The following LARGE1 variants were observed in gnomAD, a reference collection of about 807,000 sequenced individuals.
The protein encoded by LARGE1 is LARGE xylosyl- and glucuronyltransferase 1, also known as xylosyl- and glucuronyltransferase LARGE1.
LARGE1 carries 43 observed loss-of-function variants against 87.6 expected under a neutral mutation model. The observed-to-expected ratio is 0.49, with a 90% confidence interval of 0.38 to 0.63. The LOEUF (loss-of-function observed/expected upper bound fraction) is 0.63, where lower values mean the gene tolerates loss of function less well. LARGE1 is among the 30% of genes least tolerant of loss of function. The pLI is 0.00. For missense variants in LARGE1, 802 were observed against 1,000.2 expected (o/e 0.80, Z 2.67); for synonymous variants, 434 against 394.6 (o/e 1.10, Z -1.18).
At chr22:33,399,849 ACTTCTG>A (rs1195197907) in intron 7 of LARGE1, among the ~76,000 whole-genome samples, 1 of 152,206 alleles carries the variant, frequency 6.6e-6, no homozygotes, top group Non-Finnish European at 1.5e-5. Flanking sequence ...CGCCCGGCCA[ACTTCTG>A]CTTTTTTAAG....
At chr22:33,377,763 T>C (rs1388234733) in intron 9 of LARGE1, among the ~76,000 whole-genome samples, 2 of 152,204 alleles carry the variant, frequency 1.3e-5, no homozygotes, top group African/African-American at 2.4e-5. Context: ...TCTCTTTTCA[T>C]TCTGTGTTGC....
intron 7 of LARGE1, among the ~76,000 whole-genome samples, chr22:33,388,139 T>C (rs2065394397): frequency 6.6e-6 from 1 of 152,284 alleles, no homozygotes; most frequent in Non-Finnish European, 1.5e-5. Context: ...TAGTATTTCC[T>C]ATCTAGTTTA....
chr22:33,862,984 G>A (rs1471597826), intron 1 of LARGE1, among the ~76,000 whole-genome samples: 2 of 152,018 alleles, frequency 1.3e-5, no homozygotes, highest in East Asian at 1.9e-4. Flanking sequence ...ACTCTTTCAC[G>A]GATGAGAAAA....
At chr22:33,198,372 G>C (rs1156605174) in intron 11 of LARGE1, among the ~76,000 whole-genome samples, 1 of 152,004 alleles carries the variant, frequency 6.6e-6, no homozygotes, top group African/African-American at 2.4e-5. Context: ...CTGGGCTGGA[G>C]TGCAGTATCA....
intron 9 of LARGE1, among the ~76,000 whole-genome samples, chr22:33,350,139 C>G (rs759448475): frequency 3.9e-5 from 6 of 152,166 alleles, no homozygotes; most frequent in African/African-American, 7.2e-5. Flanking sequence ...GGTCATGAAT[C>G]CATGAGACAA....
chr22:33,640,307 A>T lies in LARGE1; in HGVS notation c.408+10060T>A, dbSNP rs556652087. ...GTGTGCTTTGAAATATGACTGTAGC[A>T]GGCCAAGACTTTTAAGTGCATCTAT... On this transcript the variant is annotated intron_variant, in intron 3 of 14. Coordinates refer to ENST00000397394, the MANE Select transcript of LARGE1 (RefSeq NM_133642.5). Among the ~76,000 whole-genome samples, 590 of 152,318 alleles carry T rather than the reference A, an allele frequency of 3.9e-3. 4 individuals are homozygous for T. Among genetic ancestry groups the T allele is most frequent in the African/African-American group, 0.014 (573 of 41,560 alleles).
intron 4 of LARGE1, among the ~76,000 whole-genome samples, chr22:33,614,334 A>T (rs1299906173): frequency 6.6e-6 from 1 of 151,810 alleles, no homozygotes; most frequent in Non-Finnish European, 1.5e-5. Context: ...GAAAATATTC[A>T]CTCTTTTTTC....
chr22:33,831,357 G>A (rs2062961796), intron 1 of LARGE1, among the ~76,000 whole-genome samples: 1 of 152,178 alleles, frequency 6.6e-6, no homozygotes, highest in African/African-American at 2.4e-5. Context: ...GTGCATACAT[G>A]CACCCCCCCT....
chr22:33,231,542 T>A (rs1182397315), intron 11 of LARGE1, among the ~76,000 whole-genome samples: 2 of 152,206 alleles, frequency 1.3e-5, no homozygotes, highest in Non-Finnish European at 2.9e-5. Context: ...AGTATTTAAA[T>A]CACACAAAGA....
intron 2 of LARGE1, among the ~76,000 whole-genome samples, chr22:33,694,427 C>T (rs145282247): frequency 1.6e-4 from 24 of 152,348 alleles, no homozygotes; most frequent in African/African-American, 5.3e-4. Flanking sequence ...GTGGTCAGAG[C>T]ATCTGAAAGG....
At chr22:33,905,605 ATT>A (rs2065422475) in intron 1 of LARGE1, among the ~76,000 whole-genome samples, 1 of 152,252 alleles carries the variant, frequency 6.6e-6, no homozygotes, top group African/African-American at 2.4e-5. Context: ...AAAATGTTAT[ATT>A]ATTCTCTCAC....
At chr22:33,386,771 CA>C (rs1359825324) in intron 7 of LARGE1, among the ~76,000 whole-genome samples, 2 of 148,798 alleles carry the variant, frequency 1.3e-5, no homozygotes, top group African/African-American at 4.9e-5. Context: ...TGATGTAAGT[CA>C]CTGGTGACTG....
intron 10 of LARGE1, among the ~76,000 whole-genome samples, chr22:33,333,013 C>CTTTTTTTTTTTTT (rs113084979): frequency 0.03 from 4,146 of 140,066 alleles, 354 homozygotes; most frequent in African/African-American, 0.11. Context: ...GGGCAATGTC[C>CTTTTTTTTTTTTT]TTTTTTTTTT....
chr22:33,180,299 A>G (rs137363), intron 11 of LARGE1, among the ~76,000 whole-genome samples: 45,358 of 152,214 alleles, frequency 0.3, 7,778 homozygotes, highest in Non-Finnish European at 0.39. Flanking sequence ...AATGTAAATG[A>G]TATACAAAGA....
At chr22:33,263,124 G>C (rs1217320897) in intron 11 of LARGE1, among the ~76,000 whole-genome samples, 3 of 152,076 alleles carry the variant, frequency 2.0e-5, no homozygotes, top group Non-Finnish European at 4.4e-5. Flanking sequence ...GAAAACTCCT[G>C]ACCTTGTGAT....
chr22:33,568,915 G>A (rs779507859), intron 5 of LARGE1, among the ~76,000 whole-genome samples: 5 of 152,154 alleles, frequency 3.3e-5, no homozygotes, highest in Non-Finnish European at 5.9e-5. Flanking sequence ...TAGGAAGGCG[G>A]GCGATTTGTC....
rs534395378 is a variant in LARGE1 at position 33,614,222 on chromosome 22, T to C, written c.492-9664A>G. Among the ~76,000 whole-genome samples the C allele has an allele frequency of 5.9e-5, 9 of 152,288 alleles. No homozygotes were observed. In the South Asian group the frequency reaches 1.2e-3, roughly 21 times the overall value. On this transcript the variant is annotated intron_variant, in intron 4 of 14. Coordinates refer to ENST00000397394, the MANE Select transcript of LARGE1 (RefSeq NM_133642.5). ...TACCTTACAGTTATTGTCAGATCGA[T>C]TGAGCTAAAACATATGCAGCACTTA...
At chr22:33,556,194 T>C (rs1337136868) in intron 6 of LARGE1, among the ~76,000 whole-genome samples, 1 of 151,942 alleles carries the variant, frequency 6.6e-6, no homozygotes, top group East Asian at 2.0e-4. Flanking sequence ...CATGTAACCA[T>C]GTGTTCAGAT....
intron 2 of LARGE1, among the ~76,000 whole-genome samples, chr22:33,665,134 G>A (rs766968449): frequency 1.3e-5 from 2 of 152,154 alleles, no homozygotes; most frequent in Non-Finnish European, 2.9e-5. Flanking sequence ...CCATTCTTCA[G>A]AGCAGCATCT....
Sources: allele counts gnomAD v4.1 joint callset (sites outside exome capture counted in the v4.1 genomes callset), GRCh38; gene constraint gnomAD v4.1.1; transcripts MANE v1.5; gene names NCBI Gene and HGNC (gene_info 2026-07-23, HGNC 2026-07-21).